Variants in OLFML3 observed in about 807,000 individuals in gnomAD.
OLFML3 encodes the protein olfactomedin-like protein 3.
A neutral mutation model predicts 36.0 loss-of-function variants in OLFML3; 26 were observed. That is an observed-to-expected ratio of 0.72 (90% CI 0.53 to 1.00). OLFML3 has a LOEUF of 1.00. Among genes scored for constraint, OLFML3 ranks in the 50% least tolerant of loss-of-function variants. OLFML3 has a pLI of 0.00. For missense variants in OLFML3, 503 were observed against 519.4 expected (o/e 0.97, Z 0.31); for synonymous variants, 184 against 201.2 (o/e 0.91, Z 0.72).
In OLFML3 at chr1:113,980,341, G is replaced by T; in HGVS notation, c.124G>T (p.Ala42Ser). ...TCCCCCATCCCTTCAGGAACGGCTG[G>T]CCCAGTGCCAGGACCAGAGTAGTCG... is the stretch of plus-strand genomic sequence containing the variant. ...RRLAALEERL[A>S]QCQDQSSRHA... is the part of the protein sequence containing the mutation. Residue 42 changes from alanine (A) to serine (S), a missense_variant, in exon 2 of 3, where the codon GCC becomes TCC. By Grantham distance (99) the Ala-to-Ser change is moderately conservative. Coordinates refer to ENST00000320334, the MANE Select transcript of OLFML3 (RefSeq NM_020190.5). 1 of 1,555,918 alleles carries T rather than the reference G, an allele frequency of 6.4e-7. No individual in the cohort carries two copies. The highest frequency in any genetic ancestry group is 8.7e-7 in the Non-Finnish European group (1 of 1,150,408).
In OLFML3 at chr1:113,979,546, G is replaced by A. The variant is rs554016906; in HGVS notation, c.30G>A (p.Leu10=). The A allele has an allele frequency of 3.7e-5, 59 of 1,614,048 alleles. 1 individual carries two copies. In the South Asian group the frequency reaches 5.8e-4, roughly 16 times the overall value. The change falls in exon 1 of 3, where the codon TTG becomes TTA. Residue 10 remains leucine (L), a synonymous_variant. Transcript: ENST00000320334. MGPSTPLLI[L]FLLSWSGPLQ... is the part of the protein sequence containing the mutation. Reference sequence around the variant, plus strand: ...GGCCCAGCACCCCTCTCCTCATCTTGTTCCTTTTGTCATGGTCGGGACCCC... The same window carrying A: ...GGCCCAGCACCCCTCTCCTCATCTTATTCCTTTTGTCATGGTCGGGACCCC...
chr1:113,981,271 A>G lies in OLFML3; in HGVS notation c.723A>G (p.Leu241=). 6.2e-7 allele frequency: 1 copy of G among 1,609,052 alleles called. No homozygotes were observed. Among genetic ancestry groups the G allele is most frequent in the South Asian group, 1.1e-5 (1 of 90,398 alleles). ...GTGAGATGGAGAACACTTTGCAGCT[A>G]ATCAAATTCCACCTGGCAAACCGAA... ...GGGEMENTLQ[L]IKFHLANRTV... is the part of the protein sequence containing the mutation. Residue 241 remains leucine, a synonymous_variant, in exon 3 of 3, where the codon CTA becomes CTG. Transcript: ENST00000320334.
In OLFML3 at chr1:113,981,741, A is replaced by G; in HGVS notation, c.1193A>G (p.Glu398Gly). 6.2e-6 allele frequency: 10 copies of G among 1,613,514 alleles called. No individual in the cohort carries two copies. The highest frequency in any genetic ancestry group is 8.5e-6 in the Non-Finnish European group (10 of 1,179,894). ...GGCTACCAGATTGTCTATAAGCTGGAGATGAGGAAGAAAGAGGAGGAGGTT... is the reference window on the plus strand; with the variant it reads ...GGCTACCAGATTGTCTATAAGCTGGGGATGAGGAAGAAAGAGGAGGAGGTT... ...DDGYQIVYKL[E>G]MRKKEEEV Residue 398 changes from glutamate (E) to glycine (G), a missense_variant, in exon 3 of 3, where the codon GAG (glutamate) becomes GGG (glycine). By Grantham distance (98) the Glu-to-Gly change is moderately conservative (BLOSUM62 -2). Transcript: ENST00000320334.
At position 113,979,534 on chromosome 1, in the gene OLFML3, T is replaced by C. The variant is rs1673322896; in HGVS notation, c.18T>C (p.Pro6=). ...AGGCTGCCATGGGGCCCAGCACCCC[T>C]CTCCTCATCTTGTTCCTTTTGTCAT... MGPST[P]LLILFLLSWS... The change falls in exon 1 of 3, where the codon CCT becomes CCC. Residue 6 remains proline (P), a synonymous_variant. Transcript: ENST00000320334. The C allele has an allele frequency of 1.2e-6, 2 of 1,613,894 alleles. No homozygotes were observed. Among genetic ancestry groups the C allele is most frequent in the Admixed American group, 1.7e-5 (1 of 60,008 alleles).
rs771823498 is a variant in OLFML3 at position 113,981,437 on chromosome 1, T to G, written c.889T>G (p.Cys297Gly). The change falls in exon 3 of 3, where the codon TGT becomes GGT. Residue 297 changes from cysteine (C) to glycine (G), a missense_variant. Transcript: ENST00000320334. Reference sequence around the variant, plus strand: ...CACCCGGGAGGATGACAGGCACTTGTGTCTGGCCAAGTTAGATCCACAGAC... The same window carrying G: ...CACCCGGGAGGATGACAGGCACTTGGGTCTGGCCAAGTTAGATCCACAGAC... ...YATREDDRHL[C>G]LAKLDPQTLD... is the part of the protein sequence containing the mutation. 1.9e-6 allele frequency: 3 copies of G among 1,613,278 alleles called. No homozygotes were observed. Among genetic ancestry groups the G allele is most frequent in the African/African-American group, 2.7e-5 (2 of 74,920 alleles).
rs1377184116 is a variant in OLFML3, at chr1:113,981,821, A to G, written c.*52A>G. ...TCTCACTCCCATACATTTATATTAT[A>G]TCCCCACTAAATTTCTTGTTCCTCA... is the stretch of plus-strand genomic sequence containing the variant. On this transcript the variant is annotated 3_prime_UTR_variant, in exon 3 of 3. Transcript: ENST00000320334. 6.8e-7 allele frequency: 1 copy of G among 1,468,226 alleles called. No individual in the cohort carries two copies. The highest frequency in any genetic ancestry group is 2.0e-5 in the Admixed American group (1 of 50,488). The allele number at this position is 1,468,226 out of a possible 1,614,324, so 90.9% of individuals were successfully genotyped here.
Position 113,981,536 on chromosome 1 carries a change from A to G in OLFML3, c.988A>G (p.Thr330Ala). 1 of 1,613,572 alleles carries G rather than the reference A, an allele frequency of 6.2e-7. No homozygotes were observed. Among genetic ancestry groups the G allele is most frequent in the South Asian group, 1.1e-5 (1 of 91,026 alleles). Residue 330 changes from threonine (T) to alanine (A), a missense_variant, in exon 3 of 3, where the codon ACC becomes GCC. By Grantham distance (58) the Thr-to-Ala change is moderately conservative. Transcript: ENST00000320334. ...TGAGGCTGCCTTTGTCATCTGTGGGACCCTCTATGTCGTCTATAACACCCG... is the reference window on the plus strand; with the variant it reads ...TGAGGCTGCCTTTGTCATCTGTGGGGCCCTCTATGTCGTCTATAACACCCG... ...NAEAAFVICGTLYVVYNTRPA... is the reference protein window; with the variant it reads ...NAEAAFVICGALYVVYNTRPA...
rs1673427065 is a variant in OLFML3, at chr1:113,981,867, T to G, written c.*98T>G. 9.0e-7 allele frequency: 1 copy of G among 1,115,980 alleles called. No homozygotes were observed. The highest frequency in any genetic ancestry group is 1.6e-5 in the African/African-American group (1 of 63,856). The allele number at this position is 1,115,980 out of a possible 1,614,324, so 69.1% of individuals were successfully genotyped here. A position where few individuals can be genotyped will look rare whatever the true frequency, so the allele number is the denominator to read the frequency against. On this transcript the variant is annotated 3_prime_UTR_variant, in exon 3 of 3. Coordinates refer to ENST00000320334, the MANE Select transcript of OLFML3 (RefSeq NM_020190.5). ...CCTCATTCTTCAAATGTGGGCCAGT[T>G]GTGGCTCAAATCCTCTATATTTTTA...
rs1368814215 is a variant in OLFML3 at position 113,979,474 on chromosome 1, G to T, written c.-43G>T. On this transcript the variant is annotated 5_prime_UTR_variant, in exon 1 of 3. Coordinates refer to ENST00000320334, the MANE Select transcript of OLFML3 (RefSeq NM_020190.5). ...CCCTCGGGCTTGAGGGGAAGAGGCT[G>T]ACTGTACGTTCCTTCTACTCTGGCA... 41 of 1,410,022 alleles carry T rather than the reference G, an allele frequency of 2.9e-5. No homozygotes were observed. Among genetic ancestry groups the T allele is most frequent in the Non-Finnish European group, 3.9e-5 (39 of 994,714 alleles). The allele number at this position is 1,410,022 out of a possible 1,614,324, so 87.3% of individuals were successfully genotyped here. A position where few individuals can be genotyped will look rare whatever the true frequency, so the allele number is the denominator to read the frequency against.
chr1:113,980,256 T>C lies in OLFML3; in HGVS notation c.115-76T>C, dbSNP rs987335150. The C allele has an allele frequency of 4.6e-6, 7 of 1,524,878 alleles. No homozygotes were observed. The South Asian group carries it at 9.2e-5, about 20-fold the overall frequency. 94.5% of individuals were successfully genotyped at this position (1,524,878 alleles called of 1,614,324 possible). A position where few individuals can be genotyped will look rare whatever the true frequency, so the allele number is the denominator to read the frequency against. On this transcript the variant is annotated intron_variant, in intron 1 of 2. Transcript: ENST00000320334. ...GAGTTTGCTCTTTTTTTCCCATTCC[T>C]GACTCCCGAGTTGGGCCTCTCCCTG...
In OLFML3 at chr1:113,982,039, C is replaced by A. The variant is rs7364; in HGVS notation, c.*270C>A. ...GTCAACAAATTTCAGGCTAAGGATG[C>A]CCCAGACCCAGGGCTCTAACCTTGT... On this transcript the variant is annotated 3_prime_UTR_variant, in exon 3 of 3. Coordinates refer to ENST00000320334, the MANE Select transcript of OLFML3 (RefSeq NM_020190.5). 0.24 allele frequency: 106,789 copies of A among 453,976 alleles called. 13,611 individuals are homozygous for A. The highest frequency in any genetic ancestry group is 0.33 in the African/African-American group (16,453 of 50,226). The allele number at this position is 453,976 out of a possible 1,614,324, so 28.1% of individuals were successfully genotyped here.
At position 113,979,952 on chromosome 1, in the gene OLFML3, A is replaced by G. The variant is rs925055385; in HGVS notation, c.114+322A>G. ...GAAGTTGGAGGTTCCCGGGGAATCT[A>G]TAACTTCCTGTCTTTTTAACAGGTT... On this transcript the variant is annotated intron_variant, in intron 1 of 2. Transcript: ENST00000320334. The G allele has an allele frequency of 9.8e-6, 14 of 1,432,222 alleles. 1 individual carries two copies. The South Asian group carries it at 1.9e-4, about 20-fold the overall frequency. 88.7% of individuals were successfully genotyped at this position (1,432,222 alleles called of 1,614,324 possible). A position where few individuals can be genotyped will look rare whatever the true frequency, so the allele number is the denominator to read the frequency against.
chr1:113,980,607 T>C lies in OLFML3; in HGVS notation c.390T>C (p.Asp130=). 6.3e-7 allele frequency: 1 copy of C among 1,592,010 alleles called. No individual in the cohort carries two copies. The highest frequency in any genetic ancestry group is 2.2e-5 in the East Asian group (1 of 44,638). Residue 130 remains aspartate (D), a synonymous_variant, in exon 2 of 3, where the codon GAT becomes GAC. Transcript: ENST00000320334. The part of the protein sequence containing the change: ...KGKGRRNEKY[D]MVTDCGYTIS... ...AGGGAAGAAGGAATGAGAAGTACGA[T>C]ATGGTGACAGGTAAATAATCTGAAA...
At position 113,981,186 on chromosome 1, in the gene OLFML3, T is replaced by C. The variant is rs1220903309; in HGVS notation, c.638T>C (p.Leu213Pro). The change falls in exon 3 of 3, where the codon CTG becomes CCG. Residue 213 changes from leucine (L) to proline (P), a missense_variant. Transcript: ENST00000320334. ...TTCCCCTGGGTAGGCACAGGGCAGCTGGTATATGGTGGCTTTCTTTATTTT... is the reference window on the plus strand; with the variant it reads ...TTCCCCTGGGTAGGCACAGGGCAGCCGGTATATGGTGGCTTTCTTTATTTT... ...VPFPWVGTGQ[L>P]VYGGFLYFAR... 2 of 1,614,062 alleles carry C rather than the reference T, an allele frequency of 1.2e-6. No individual in the cohort carries two copies. Among genetic ancestry groups the C allele is most frequent in the South Asian group, 2.2e-5 (2 of 91,088 alleles).
chr1:113,980,296 C>G, intron 1 of OLFML3, 36 bp from the exon 2 acceptor site: 1 of 1,528,404 alleles, frequency 6.5e-7, no homozygotes, highest in Non-Finnish European at 8.8e-7. Flanking sequence ...GGAGTTGTAA[C>G]CCTGCAGCCT....
rs1358654523 is a variant in OLFML3, at chr1:113,980,596, G to A, written c.379G>A (p.Glu127Lys). Residue 127 changes from glutamate to lysine, a missense_variant, in exon 2 of 3, where the codon GAG (glutamate) becomes AAG (lysine). By Grantham distance (56) the Glu-to-Lys change is moderately conservative. Coordinates refer to ENST00000320334, the MANE Select transcript of OLFML3 (RefSeq NM_020190.5). ...GACCAAAGGCAAGGGAAGAAGGAAT[G>A]AGAAGTACGATATGGTGACAGGTAA... ...PGTKGKGRRN[E>K]KYDMVTDCGY... The A allele has an allele frequency of 6.2e-7, 1 of 1,604,838 alleles. No individual in the cohort carries two copies. The highest frequency in any genetic ancestry group is 2.2e-5 in the East Asian group (1 of 44,806).
Position 113,981,962 on chromosome 1 carries a change from A to G in OLFML3, c.*193A>G, listed in dbSNP as rs1198717914. 3.3e-6 allele frequency: 2 copies of G among 603,868 alleles called. No homozygotes were observed. Among genetic ancestry groups the G allele is most frequent in the Admixed American group, 3.0e-5 (1 of 33,636 alleles). The allele number at this position is 603,868 out of a possible 1,614,324, so 37.4% of individuals were successfully genotyped here. A position where few individuals can be genotyped will look rare whatever the true frequency, so the allele number is the denominator to read the frequency against. On this transcript the variant is annotated 3_prime_UTR_variant, in exon 3 of 3. Transcript: ENST00000320334. ...ACTCCAGATCCTGAGTAATCCTTTT[A>G]GAGCCCGAAGAGTCAAAACCCTCAA...
rs542405564 is a variant in OLFML3, at chr1:113,980,676, G to T, written c.400+59G>T. The T allele has an allele frequency of 2.0e-6, 3 of 1,485,246 alleles. No individual in the cohort carries two copies. The South Asian group carries it at 4.2e-5, about 21-fold the overall frequency. The allele number at this position is 1,485,246 out of a possible 1,614,324, so 92.0% of individuals were successfully genotyped here. On this transcript the variant is annotated intron_variant, in intron 2 of 2. Coordinates refer to ENST00000320334, the MANE Select transcript of OLFML3 (RefSeq NM_020190.5). ...TCAGAACCGATATTCTTCCTTCCTT[G>T]CTTCTTACTCTTTTTTTCGCTTTGT... is the stretch of plus-strand genomic sequence containing the variant.
chr1:113,980,160 T>G, intron 1 of OLFML3, 172 bp from the exon 2 acceptor site: 1 of 1,538,422 alleles, frequency 6.5e-7, no homozygotes, highest in East Asian at 2.4e-5. Flanking sequence ...CTAGGCTCTT[T>G]GCACATTTAG....
Sources: gnomAD v4.1 joint callset for allele counts on GRCh38, gnomAD v4.1.1 for gene constraint, MANE v1.5 for transcripts, NCBI Gene and HGNC (gene_info 2026-07-23, HGNC 2026-07-21) for gene names.